The following ZDHHC14 variants were observed in gnomAD, a reference collection of about 807,000 sequenced individuals.
ZDHHC14 encodes the protein zDHHC palmitoyltransferase 14.
Under a neutral mutation model 47.7 loss-of-function variants are expected in ZDHHC14, and 16 were observed. The observed-to-expected ratio is 0.34, with a 90% CI of 0.23 to 0.51. The LOEUF is 0.51. Among genes scored for constraint, ZDHHC14 ranks in the 20% least tolerant of loss-of-function variants. The probability of loss-of-function intolerance (pLI) is 0.97; values close to 1 mark genes in which losing one functional copy is unlikely to be tolerated. For synonymous variants in ZDHHC14, 293 were observed against 278.9 expected, an observed-to-expected ratio of 1.05 and a Z score of -0.50; for missense variants, 515 against 662.5, an observed-to-expected ratio of 0.78 and a Z score of 2.44.
intron 2 of ZDHHC14, among the ~76,000 whole-genome samples, chr6:157,575,249 A>G (rs774380251): frequency 2.6e-5 from 4 of 152,258 alleles, no homozygotes; most frequent in Non-Finnish European, 5.9e-5. Flanking sequence ...AATCTGCTTT[A>G]CATCAAAGTC....
intron 3 of ZDHHC14, among the ~76,000 whole-genome samples, chr6:157,600,255 CTT>C (rs1784288765): frequency 6.6e-6 from 1 of 151,550 alleles, no homozygotes; most frequent in African/African-American, 2.4e-5. Context: ...ACATAGCAAA[CTT>C]AATCTACCAG....
At chr6:157,562,766 G>A (rs1291270206) in intron 2 of ZDHHC14, among the ~76,000 whole-genome samples, 1 of 152,166 alleles carries the variant, frequency 6.6e-6, no homozygotes, top group Non-Finnish European at 1.5e-5. Flanking sequence ...CATATATAGG[G>A]AGCGTTTTAT....
intron 1 of ZDHHC14, among the ~76,000 whole-genome samples, chr6:157,519,353 A>G (rs1780828038): frequency 6.8e-6 from 1 of 146,890 alleles, no homozygotes; most frequent in South Asian, 2.2e-4. Context: ...TTTTTAACAC[A>G]TATTGATAGA....
At chr6:157,627,237 A>G (rs1785470639) in intron 3 of ZDHHC14, among the ~76,000 whole-genome samples, 1 of 152,216 alleles carries the variant, frequency 6.6e-6, no homozygotes, top group South Asian at 2.1e-4. Flanking sequence ...GCCTAAGTTT[A>G]TAATGTTTTA....
chr6:157,547,522 C>T (rs955696057), intron 2 of ZDHHC14, among the ~76,000 whole-genome samples: 9 of 150,944 alleles, frequency 6.0e-5, no homozygotes, highest in African/African-American at 2.0e-4. Flanking sequence ...GGGCTTTTCC[C>T]GCATCAAAGA....
At chr6:157,476,652 A>T (rs928571793) in intron 1 of ZDHHC14, among the ~76,000 whole-genome samples, 1 of 152,116 alleles carries the variant, frequency 6.6e-6, no homozygotes, top group Non-Finnish European at 1.5e-5. Flanking sequence ...TGCAAAAATT[A>T]TCAACAAAAT....
At chr6:157,392,133 G>A (rs1043820769) in intron 1 of ZDHHC14, among the ~76,000 whole-genome samples, 2 of 152,104 alleles carry the variant, frequency 1.3e-5, no homozygotes, top group South Asian at 2.1e-4. Flanking sequence ...GCTTAGGTCT[G>A]GATAAGTGAG....
intron 1 of ZDHHC14, among the ~76,000 whole-genome samples, chr6:157,538,706 A>C (rs1781632024): frequency 6.6e-6 from 1 of 152,150 alleles, no homozygotes; most frequent in Non-Finnish European, 1.5e-5. Context: ...GTTCAGAGAA[A>C]GAAGCGATCC....
At chr6:157,605,435 C>T (rs1784501500) in intron 3 of ZDHHC14, among the ~76,000 whole-genome samples, 2 of 151,994 alleles carry the variant, frequency 1.3e-5, no homozygotes, top group Non-Finnish European at 2.9e-5. Flanking sequence ...TTTCATAATA[C>T]CATCCTTTAT....
At chr6:157,482,292 G>A (rs1479688511) in intron 1 of ZDHHC14, among the ~76,000 whole-genome samples, 2 of 115,004 alleles carry the variant, frequency 1.7e-5, no homozygotes, top group South Asian at 2.8e-4. Context: ...ATGGAGTCTT[G>A]CTCTGTTTCC....
chr6:157,491,405 T>C (rs2114727714), intron 1 of ZDHHC14, among the ~76,000 whole-genome samples: 1 of 152,366 alleles, frequency 6.6e-6, no homozygotes, highest in East Asian at 1.9e-4. Flanking sequence ...CAGAGCACAC[T>C]GCTTTGCGTA....
At chr6:157,597,085 G>A (rs185230865) in intron 3 of ZDHHC14, among the ~76,000 whole-genome samples, 11 of 152,234 alleles carry the variant, frequency 7.2e-5, no homozygotes, top group African/African-American at 2.6e-4. Context: ...TTGCCATCGC[G>A]TTCCTTCTGC....
chr6:157,412,305 TG>T (rs1314170917), intron 1 of ZDHHC14, among the ~76,000 whole-genome samples: 1 of 151,246 alleles, frequency 6.6e-6, no homozygotes, highest in African/African-American at 2.4e-5. Flanking sequence ...TTTGTTTGCT[TG>T]TTTTGAGATA....
rs376095293 is a variant in ZDHHC14, at chr6:157,489,061, C to T, written c.246-53524C>T. On this transcript the variant is annotated intron_variant, in intron 1 of 8. Transcript: ENST00000359775. ...CTTTATGGTGTTTTGTACCAGTAAA[C>T]GGGCTTCCATCAGCAGATCTGTCTG... Among the ~76,000 whole-genome samples, 6 of 152,264 alleles carry T rather than the reference C, an allele frequency of 3.9e-5. No homozygotes were observed. In the East Asian group the frequency reaches 7.7e-4, roughly 20 times the overall value.
chr6:157,538,931 G>C (rs559736992), intron 1 of ZDHHC14, among the ~76,000 whole-genome samples: 6 of 152,184 alleles, frequency 3.9e-5, no homozygotes, highest in Non-Finnish European at 7.4e-5. Flanking sequence ...GATTCAGGAG[G>C]GGGCAGTGAG....
intron 2 of ZDHHC14, chr6:157,592,750 G>A: frequency 2.3e-6 from 3 of 1,297,840 alleles, no homozygotes; most frequent in Non-Finnish European, 2.9e-6. Flanking sequence ...GGGGCCATGT[G>A]TGCTGTGCTC....
At chr6:157,503,098 A>G (rs1479364251) in intron 1 of ZDHHC14, among the ~76,000 whole-genome samples, 1 of 152,226 alleles carries the variant, frequency 6.6e-6, no homozygotes, top group Non-Finnish European at 1.5e-5. Flanking sequence ...TGATTTGCCT[A>G]AATTGGCACC....
chr6:157,392,859 T>A (rs1017968132), intron 1 of ZDHHC14, among the ~76,000 whole-genome samples: 179 of 152,220 alleles, frequency 1.2e-3, no homozygotes, highest in Non-Finnish European at 1.9e-3. Flanking sequence ...GCACTTTTTT[T>A]ATTTTATAAC....
intron 1 of ZDHHC14, among the ~76,000 whole-genome samples, chr6:157,446,389 T>C (rs549393541): frequency 9.3e-5 from 14 of 150,240 alleles, no homozygotes; most frequent in African/African-American, 3.2e-4. Context: ...TATCTCTTCC[T>C]TTTTTTTTGG....
Sources: allele counts gnomAD v4.1 joint callset (sites outside exome capture counted in the v4.1 genomes callset), GRCh38; gene constraint gnomAD v4.1.1; transcripts MANE v1.5; gene names NCBI Gene and HGNC (gene_info 2026-07-23, HGNC 2026-07-21).